The following DPYD variants were observed in gnomAD, a reference collection of about 807,000 sequenced individuals.
DPYD encodes the protein dihydropyrimidine dehydrogenase.
Under a neutral mutation model 116.2 loss-of-function variants are expected in DPYD, and 109 were observed. The ratio of observed to expected loss-of-function variants is 0.94; its 90% confidence interval spans 0.80 to 1.10. DPYD has a LOEUF of 1.10. Among genes scored for constraint, DPYD ranks in the 50% least tolerant of loss-of-function variants. The pLI is 0.00. For synonymous variants in DPYD, 440 were observed against 432.0 expected, an observed-to-expected ratio of 1.02 and a Z score of -0.23; for missense variants, 1,302 against 1,254.5, an observed-to-expected ratio of 1.04 and a Z score of -0.57.
chr1:97,518,621 T>G (rs955226875), intron 12 of DPYD, among the ~76,000 whole-genome samples: 4 of 152,106 alleles, frequency 2.6e-5, no homozygotes, highest in African/African-American at 9.7e-5. Context: ...TAACCTCAAC[T>G]CTTTTATCTC....
intron 16 of DPYD, among the ~76,000 whole-genome samples, chr1:97,346,543 G>C (rs1312378850): frequency 1.3e-5 from 2 of 151,486 alleles, no homozygotes; most frequent in Non-Finnish European, 3.0e-5. Context: ...TTTCTGCCTT[G>C]TTTAAAGAAT....
chr1:97,775,982 A>C (rs1666384295), intron 3 of DPYD, among the ~76,000 whole-genome samples: 1 of 152,038 alleles, frequency 6.6e-6, no homozygotes, highest in Non-Finnish European at 1.5e-5. Context: ...TATTAGGTGT[A>C]TATATGTATA....
At chr1:97,278,886 T>C (rs559173610) in intron 18 of DPYD, among the ~76,000 whole-genome samples, 1 of 152,112 alleles carries the variant, frequency 6.6e-6, no homozygotes, top group South Asian at 2.1e-4. Context: ...TAAATATATA[T>C]TACACTCTTA....
At chr1:97,397,424 G>C (rs1673076819) in intron 14 of DPYD, among the ~76,000 whole-genome samples, 1 of 151,998 alleles carries the variant, frequency 6.6e-6, no homozygotes, top group African/African-American at 2.4e-5. Flanking sequence ...CACATTCTAT[G>C]GGTTTGGACA....
At chr1:97,340,629 G>A (rs1163939891) in intron 16 of DPYD, among the ~76,000 whole-genome samples, 1 of 152,058 alleles carries the variant, frequency 6.6e-6, no homozygotes, top group African/African-American at 2.4e-5. Context: ...TGAGCTGTGA[G>A]CACGCCACTG....
intron 19 of DPYD, among the ~76,000 whole-genome samples, chr1:97,226,787 T>C (rs899317411): frequency 1.3e-5 from 2 of 152,134 alleles, no homozygotes; most frequent in African/African-American, 2.4e-5. Context: ...AGTGTTAAAA[T>C]ATCCATACTA....
chr1:97,889,349 T>C (rs1672659760), intron 1 of DPYD, among the ~76,000 whole-genome samples: 1 of 151,940 alleles, frequency 6.6e-6, no homozygotes, highest in East Asian at 1.9e-4. Flanking sequence ...AAAAGCAAGA[T>C]GCAACTATGT....
At chr1:97,330,994 C>A (rs533768039) in intron 16 of DPYD, among the ~76,000 whole-genome samples, 4 of 152,084 alleles carry the variant, frequency 2.6e-5, no homozygotes, top group South Asian at 2.1e-4. Flanking sequence ...AAAAATAAAA[C>A]GCAACTGCAA....
At chr1:97,408,632 A>G (rs548575331) in intron 14 of DPYD, among the ~76,000 whole-genome samples, 3 of 152,240 alleles carry the variant, frequency 2.0e-5, no homozygotes, top group Admixed American at 2.0e-4. Flanking sequence ...TTGAGTGTCA[A>G]CTGGATTGGA....
intron 1 of DPYD, among the ~76,000 whole-genome samples, chr1:97,887,651 A>G (rs530984198): frequency 2.2e-4 from 34 of 151,848 alleles, no homozygotes; most frequent in Non-Finnish European, 4.1e-4. Context: ...ACACACAAAA[A>G]AAGGAGACAA....
intron 16 of DPYD, among the ~76,000 whole-genome samples, chr1:97,349,063 A>T (rs1353549831): frequency 6.6e-6 from 1 of 152,182 alleles, no homozygotes; most frequent in Non-Finnish European, 1.5e-5. Context: ...TGTAGTACAG[A>T]AACCTGTGGT....
chr1:97,299,804 C>T (rs956720803), intron 18 of DPYD, among the ~76,000 whole-genome samples: 2 of 151,992 alleles, frequency 1.3e-5, no homozygotes, highest in Admixed American at 6.6e-5. Flanking sequence ...AGGTAGCAGG[C>T]GAGCTCACTG....
intron 18 of DPYD, among the ~76,000 whole-genome samples, chr1:97,300,738 A>T (rs1027110167): frequency 6.6e-6 from 1 of 152,126 alleles, no homozygotes; most frequent in African/African-American, 2.4e-5. Context: ...CGTAATGCCC[A>T]GTAGCACAGT....
intron 16 of DPYD, among the ~76,000 whole-genome samples, chr1:97,334,985 G>T (rs2101184191): frequency 1.3e-5 from 2 of 152,188 alleles, no homozygotes; most frequent in South Asian, 2.1e-4. Flanking sequence ...TGTGTGTTGG[G>T]GCAGTGGGGA....
intron 2 of DPYD, among the ~76,000 whole-genome samples, chr1:97,849,405 C>G (rs1002532580): frequency 6.6e-6 from 1 of 152,078 alleles, no homozygotes; most frequent in African/African-American, 2.4e-5. Flanking sequence ...TTACTGAGTT[C>G]TTACTCTATA....
At chr1:97,324,531 C>T (rs961371782) in intron 16 of DPYD, among the ~76,000 whole-genome samples, 11 of 151,946 alleles carry the variant, frequency 7.2e-5, no homozygotes, top group African/African-American at 2.4e-4. Context: ...TTGGCCTGGC[C>T]GAGCAGGTCC....
chr1:97,199,182 T>C (rs1421856746), intron 19 of DPYD, among the ~76,000 whole-genome samples: 1 of 152,190 alleles, frequency 6.6e-6, no homozygotes, highest in Non-Finnish European at 1.5e-5. Flanking sequence ...ACATACATTA[T>C]TTCTTTCAGT....
intron 3 of DPYD, among the ~76,000 whole-genome samples, chr1:97,750,989 C>A (rs1413832291): frequency 2.0e-5 from 3 of 152,098 alleles, no homozygotes; most frequent in African/African-American, 7.2e-5. Context: ...TACTGAGTGA[C>A]AATGCAAGTG....
chr1:97,080,250 AC>A (rs1490787452), intron 22 of DPYD, among the ~76,000 whole-genome samples: 1 of 151,888 alleles, frequency 6.6e-6, no homozygotes, highest in Non-Finnish European at 1.5e-5. Flanking sequence ...GTGTCTCTCC[AC>A]CCCCATGGTA....
Sources: allele counts gnomAD v4.1 joint callset (sites outside exome capture counted in the v4.1 genomes callset), GRCh38; gene constraint gnomAD v4.1.1; transcripts MANE v1.5; gene names NCBI Gene and HGNC (gene_info 2026-07-23, HGNC 2026-07-21).